CLIC5: variants seen among roughly 807,000 people sequenced by gnomAD.
CLIC5 encodes CLIC family member 5, also known as chloride intracellular channel protein 5.
CLIC5 carries 20 observed loss-of-function variants against 24.7 expected under a neutral mutation model. The observed-to-expected ratio is 0.81, with a 90% confidence interval of 0.57 to 1.18. CLIC5 has a LOEUF of 1.18. CLIC5 is among the 50% of genes most tolerant of loss of function. The pLI, the probability that CLIC5 is intolerant of heterozygous loss-of-function variation, is 0.00. For synonymous variants in CLIC5, 159 were observed against 135.6 expected, an observed-to-expected ratio of 1.17 and a Z score of -1.20; for missense variants, 341 against 326.1, an observed-to-expected ratio of 1.05 and a Z score of -0.35.
At chr6:45,921,328 T>G (rs890516753) in intron 4 of CLIC5, among the ~76,000 whole-genome samples, 1 of 152,208 alleles carries the variant, frequency 6.6e-6, no homozygotes, top group Non-Finnish European at 1.5e-5. Flanking sequence ...CCTCTGGCTA[T>G]GTTTGCATGT....
chr6:45,888,009 A>C (rs1185900834), intron 6 of CLIC5, among the ~76,000 whole-genome samples: 1 of 152,248 alleles, frequency 6.6e-6, no homozygotes, highest in East Asian at 1.9e-4. Context: ...AAAAATGAAC[A>C]AAGCAGCTTC....
chr6:46,030,220 CATTTT>C (rs1311354647), intron 1 of CLIC5, among the ~76,000 whole-genome samples: 1 of 152,150 alleles, frequency 6.6e-6, no homozygotes, highest in Non-Finnish European at 1.5e-5. Context: ...CCATATCCCG[CATTTT>C]CTTTACCAGT....
chr6:45,937,117 C>G (rs1763966323), intron 4 of CLIC5, among the ~76,000 whole-genome samples: 1 of 152,074 alleles, frequency 6.6e-6, no homozygotes, highest in African/African-American at 2.4e-5. Flanking sequence ...ACTGACGCTC[C>G]TTGATGACAC....
chr6:45,996,132 A>T (rs1172929553), intron 1 of CLIC5, among the ~76,000 whole-genome samples: 1 of 152,114 alleles, frequency 6.6e-6, no homozygotes, highest in African/African-American at 2.4e-5. Context: ...AAAAAAAAAA[A>T]AAAATAGAAA....
At chr6:46,066,476 C>G (rs1333376524) in intron 1 of CLIC5, among the ~76,000 whole-genome samples, 1 of 152,118 alleles carries the variant, frequency 6.6e-6, no homozygotes, top group East Asian at 1.9e-4. Context: ...TGCTTGAATA[C>G]TGACCAAATT....
chr6:45,994,980 A>G (rs1454621477), intron 1 of CLIC5, among the ~76,000 whole-genome samples: 2 of 152,228 alleles, frequency 1.3e-5, no homozygotes, highest in Non-Finnish European at 2.9e-5. Flanking sequence ...TACTATTGGT[A>G]TATTCTCAAT....
intron 4 of CLIC5, among the ~76,000 whole-genome samples, chr6:45,925,597 G>A (rs1020735558): frequency 6.6e-6 from 1 of 152,210 alleles, no homozygotes; most frequent in Non-Finnish European, 1.5e-5. Context: ...TTACAGGCAT[G>A]AGCCGTCGCG....
At chr6:45,944,314 C>A (rs905031620) in intron 3 of CLIC5, among the ~76,000 whole-genome samples, 10 of 151,762 alleles carry the variant, frequency 6.6e-5, no homozygotes, top group African/African-American at 1.9e-4. Context: ...AACAGCAATG[C>A]CCATTCATTT....
the CLIC5 span, among the ~76,000 whole-genome samples, chr6:46,108,790 T>C: frequency 2.8e-3 from 427 of 152,318 alleles, 2 homozygotes; most frequent in African/African-American, 9.6e-3. Flanking sequence ...CTTTGGCTAA[T>C]TGAATGAATG....
chr6:46,062,952 G>A (rs1445390998), intron 1 of CLIC5, among the ~76,000 whole-genome samples: 2 of 152,176 alleles, frequency 1.3e-5, no homozygotes, highest in African/African-American at 4.8e-5. Context: ...ACTGGCTGAG[G>A]CATCTGTTTC....
chr6:45,886,745 G>C (rs1237644726), intron 6 of CLIC5, among the ~76,000 whole-genome samples: 1 of 152,116 alleles, frequency 6.6e-6, no homozygotes, highest in Non-Finnish European at 1.5e-5. Context: ...TTCTGGGGTG[G>C]ACAAAGCTGA....
intron 4 of CLIC5, among the ~76,000 whole-genome samples, chr6:45,934,564 A>T (rs1457730725): frequency 6.6e-6 from 1 of 152,188 alleles, no homozygotes; most frequent in East Asian, 1.9e-4. Context: ...TACAGATGAG[A>T]TACTATTGCC....
At chr6:46,115,535 A>G in the CLIC5 span, among the ~76,000 whole-genome samples, 1 of 152,192 alleles carries the variant, frequency 6.6e-6, no homozygotes, top group South Asian at 2.1e-4. Flanking sequence ...AAAGAGTTAC[A>G]CTAATTAAAA....
At chr6:46,115,841 A>C in the CLIC5 span, among the ~76,000 whole-genome samples, 4 of 152,262 alleles carry the variant, frequency 2.6e-5, no homozygotes, top group Non-Finnish European at 4.4e-5. Context: ...ATGCCAGGTC[A>C]GAAATAGGGC....
At chr6:46,028,447 C>A (rs1287614888) in intron 1 of CLIC5, among the ~76,000 whole-genome samples, 1 of 152,168 alleles carries the variant, frequency 6.6e-6, no homozygotes, top group Non-Finnish European at 1.5e-5. Flanking sequence ...ACAGTACTGA[C>A]CCTCTGCATG....
At chr6:46,047,017 C>A (rs1767972494) in intron 1 of CLIC5, among the ~76,000 whole-genome samples, 1 of 152,174 alleles carries the variant, frequency 6.6e-6, no homozygotes, top group African/African-American at 2.4e-5. Context: ...TTCCCATGCC[C>A]AGAAAGGGAC....
chr6:45,931,808 G>A (rs949496431), intron 4 of CLIC5, among the ~76,000 whole-genome samples: 9 of 152,074 alleles, frequency 5.9e-5, no homozygotes, highest in Admixed American at 2.0e-4. Context: ...ACAGGTGTGC[G>A]CCACCATGCT....
chr6:46,086,953 T>C, the CLIC5 span, among the ~76,000 whole-genome samples: 39 of 152,338 alleles, frequency 2.6e-4, no homozygotes, highest in African/African-American at 8.4e-4. Flanking sequence ...CAGCCAGTCA[T>C]TGAGTGGCCT....
At chr6:46,106,221 C>T in the CLIC5 span, among the ~76,000 whole-genome samples, 1 of 152,150 alleles carries the variant, frequency 6.6e-6, no homozygotes. Context: ...GAGGTTCCTA[C>T]CTCAGCCTCC....
Sources: allele counts gnomAD v4.1 joint callset (sites outside exome capture counted in the v4.1 genomes callset), GRCh38; gene constraint gnomAD v4.1.1; transcripts MANE v1.5; gene names NCBI Gene and HGNC (gene_info 2026-07-23, HGNC 2026-07-21).